The following SGMS1 variants were observed in gnomAD, a reference collection of about 807,000 sequenced individuals.
SGMS1 encodes the protein phosphatidylcholine:ceramide cholinephosphotransferase 1.
SGMS1 carries 13 observed loss-of-function variants against 46.2 expected under a neutral mutation model. The observed-to-expected ratio is 0.28, with a 90% CI of 0.18 to 0.45. The LOEUF (loss-of-function observed/expected upper bound fraction) is 0.45. Among genes scored for constraint, SGMS1 ranks in the 20% least tolerant of loss-of-function variants. The pLI is 1.00. For synonymous variants in SGMS1, 203 were observed against 187.8 expected, an observed-to-expected ratio of 1.08 and a Z score of -0.66; for missense variants, 324 against 519.9, an observed-to-expected ratio of 0.62 and a Z score of 3.66.
chr10:50,449,074 A>G (rs941911532), intron 5 of SGMS1, among the ~76,000 whole-genome samples: 1 of 152,232 alleles, frequency 6.6e-6, no homozygotes, highest in African/African-American at 2.4e-5. Context: ...AGAACAGAGG[A>G]ATTTTTAAAG....
chr10:50,316,168 T>C (rs1436210), intron 8 of SGMS1, among the ~76,000 whole-genome samples: 11,101 of 152,196 alleles, frequency 0.073, 965 homozygotes, highest in East Asian at 0.33. Flanking sequence ...TTCAGCCCCA[T>C]TAGGAGGAAG....
chr10:50,360,218 G>A (rs1007750060), intron 6 of SGMS1, among the ~76,000 whole-genome samples: 5 of 152,110 alleles, frequency 3.3e-5, no homozygotes, highest in Admixed American at 6.5e-5. Context: ...TGGTCCAGGC[G>A]TACAAGCCAA....
chr10:50,579,350 G>A (rs1022182864), intron 2 of SGMS1, among the ~76,000 whole-genome samples: 5 of 151,956 alleles, frequency 3.3e-5, no homozygotes, highest in African/African-American at 1.2e-4. Context: ...AGAAAACAGA[G>A]GGGGGAATTC....
intron 2 of SGMS1, 49 bp downstream of exon 2, chr10:50,590,104 T>C (rs1348891523): frequency 6.6e-6 from 1 of 152,360 alleles, no homozygotes; most frequent in Admixed American, 6.5e-5. Context: ...CTCTTCAGTA[T>C]GGTTGAAAAT....
intron 5 of SGMS1, among the ~76,000 whole-genome samples, chr10:50,454,783 A>G (rs1837170309): frequency 6.6e-6 from 1 of 152,200 alleles, no homozygotes; most frequent in African/African-American, 2.4e-5. Flanking sequence ...ATTTTGATGG[A>G]GGAAATCCTA....
intron 7 of SGMS1, among the ~76,000 whole-genome samples, chr10:50,337,313 A>T (rs747874281): frequency 1.6e-4 from 25 of 152,204 alleles, no homozygotes; most frequent in Non-Finnish European, 2.9e-4. Flanking sequence ...AAACATAAAA[A>T]TGTTCTGAAG....
At chr10:50,328,345 C>A (rs1185304818) in intron 7 of SGMS1, among the ~76,000 whole-genome samples, 1 of 152,118 alleles carries the variant, frequency 6.6e-6, no homozygotes, top group African/African-American at 2.4e-5. Flanking sequence ...TTTTCCCAAA[C>A]AAGGAAAATT....
rs954677970 is a variant in SGMS1, at chr10:50,578,229, C to T, written c.-589+11924G>A. Among the ~76,000 whole-genome samples the T allele has an allele frequency of 4.6e-5, 7 of 152,196 alleles. No individual in the cohort carries two copies. In the South Asian group the frequency reaches 1.4e-3, roughly 31 times the overall value. The stretch of plus-strand genomic sequence containing the variant: ...CTTTGTGGAAGCATTTATGAGGGAT[C>T]AAAACCACAAATACAGCCCCGCTCC... On this transcript the variant is annotated intron_variant, in intron 2 of 10. Transcript: ENST00000361781.
chr10:50,591,784 G>A (rs140968314), intron 1 of SGMS1, among the ~76,000 whole-genome samples: 12 of 152,216 alleles, frequency 7.9e-5, no homozygotes, highest in African/African-American at 2.6e-4. Context: ...ACACAGCTCC[G>A]CAAATAAAGA....
chr10:50,594,588 T>C (rs2131898221), intron 1 of SGMS1, among the ~76,000 whole-genome samples: 1 of 152,348 alleles, frequency 6.6e-6, no homozygotes, highest in Admixed American at 6.5e-5. Flanking sequence ...CTACAAAAAA[T>C]TCTCAATTAT....
At chr10:50,560,320 ATAT>A (rs1564432162) in intron 2 of SGMS1, among the ~76,000 whole-genome samples, 1 of 138,596 alleles carries the variant, frequency 7.2e-6, no homozygotes, top group African/African-American at 2.7e-5. Flanking sequence ...CATATTATTA[ATAT>A]TATATATTAT....
At chr10:50,421,211 C>T (rs1849250463) in intron 6 of SGMS1, among the ~76,000 whole-genome samples, 3 of 152,134 alleles carry the variant, frequency 2.0e-5, no homozygotes, top group African/African-American at 7.2e-5. Context: ...CACTCAAAGC[C>T]TTGCCTCTAC....
At chr10:50,522,179 A>G (rs553071121) in intron 2 of SGMS1, among the ~76,000 whole-genome samples, 1 of 152,282 alleles carries the variant, frequency 6.6e-6, no homozygotes, top group Admixed American at 6.5e-5. Context: ...TCAGTGACTT[A>G]TAATTTATCC....
chr10:50,611,841 C>T (rs754448468), intron 1 of SGMS1, among the ~76,000 whole-genome samples: 18 of 152,246 alleles, frequency 1.2e-4, no homozygotes, highest in East Asian at 9.7e-4. Flanking sequence ...GTAAAACATT[C>T]CTCTTCTCTG....
chr10:50,525,787 C>A (rs1837895945), intron 2 of SGMS1, among the ~76,000 whole-genome samples: 1 of 152,174 alleles, frequency 6.6e-6, no homozygotes, highest in Admixed American at 6.5e-5. Context: ...AAAGACAGAG[C>A]AGTGAAAACA....
intron 3 of SGMS1, among the ~76,000 whole-genome samples, chr10:50,506,900 T>C (rs572714463): frequency 1.3e-5 from 2 of 152,220 alleles, no homozygotes; most frequent in African/African-American, 2.4e-5. Context: ...ATGATCCAAA[T>C]GAATAAGTGC....
rs149886221 is a variant in SGMS1 at position 50,582,794 on chromosome 10, A to C, written c.-589+7359T>G. Among the ~76,000 whole-genome samples, 1,307 of 152,334 alleles carry C rather than the reference A, an allele frequency of 8.6e-3. 10 individuals are homozygous for C. Among genetic ancestry groups the C allele is most frequent in the South Asian group, 0.012 (59 of 4,830 alleles). Reference sequence around the variant, plus strand: ...GTACTTTAATCCAGGCCTACTTTCTAGTGCTTTTTCCCTCTCTGCTTCCTT... The same window carrying C: ...GTACTTTAATCCAGGCCTACTTTCTCGTGCTTTTTCCCTCTCTGCTTCCTT... On this transcript the variant is annotated intron_variant, in intron 2 of 10. Transcript: ENST00000361781.
chr10:50,543,654 G>A (rs1245633482), intron 2 of SGMS1, among the ~76,000 whole-genome samples: 2 of 152,198 alleles, frequency 1.3e-5, no homozygotes, highest in Non-Finnish European at 2.9e-5. Context: ...AGTTGCTTCT[G>A]CAGGAAGTAG....
At chr10:50,426,140 AAAAC>A (rs1280869609) in intron 6 of SGMS1, among the ~76,000 whole-genome samples, 8 of 152,364 alleles carry the variant, frequency 5.3e-5, no homozygotes, top group South Asian at 2.1e-4. Context: ...GATTTAATGA[AAAAC>A]AAAAGTAAAA....
Sources: allele counts gnomAD v4.1 joint callset (sites outside exome capture counted in the v4.1 genomes callset), GRCh38; gene constraint gnomAD v4.1.1; transcripts MANE v1.5; gene names NCBI Gene and HGNC (gene_info 2026-07-23, HGNC 2026-07-21).